The following ARAP1 variants were observed in gnomAD, a reference collection of about 807,000 sequenced individuals.
ARAP1 encodes the protein arf-GAP with Rho-GAP domain, ANK repeat and PH domain-containing protein 1.
Under a neutral mutation model 172.2 loss-of-function variants are expected in ARAP1, and 76 were observed. The observed-to-expected ratio is 0.44, with a 90% CI of 0.37 to 0.53. The LOEUF is 0.53. Ranked by LOEUF, ARAP1 falls within the 20% of genes least tolerant of loss-of-function variation. ARAP1 has a pLI of 0.00. For synonymous variants in ARAP1, 804 were observed against 803.3 expected (o/e 1.00, Z -0.01); for missense variants, 1,686 against 1,977.5 (o/e 0.85, Z 2.80).
In ARAP1 at chr11:72,745,450, C is replaced by T. The variant is rs571911253; in HGVS notation, c.-128+6878G>A. 2.0e-5 allele frequency among the ~76,000 whole-genome samples: 3 copies of T among 150,994 alleles called. No individual in the cohort carries two copies. The South Asian group carries it at 6.3e-4, about 32-fold the overall frequency. On this transcript the variant is annotated intron_variant, in intron 1 of 34. Coordinates refer to ENST00000393609, the MANE Select transcript of ARAP1 (RefSeq NM_001040118.3). ...TGATCTCCTGACCTTGTGATCCGCCCGCGTCGGCCTCCCAAAGTGCTGGGA... is the reference window on the plus strand; with the variant it reads ...TGATCTCCTGACCTTGTGATCCGCCTGCGTCGGCCTCCCAAAGTGCTGGGA...
chr11:72,710,077 G>T lies in ARAP1; in HGVS notation c.1417-101C>A. 2 of 1,101,072 alleles carry T rather than the reference G, an allele frequency of 1.8e-6. No individual in the cohort carries two copies. The highest frequency in any genetic ancestry group is 2.8e-6 in the Non-Finnish European group (2 of 725,636). 68.2% of individuals were successfully genotyped at this position (1,101,072 alleles called of 1,614,324 possible). ...GAAGGTGGTGCAACTCAGGGACTGG[G>T]GGGGGTGCCCAGGAGGGAGACAGCA... On this transcript the variant is annotated intron_variant, in intron 10 of 34. Coordinates refer to ENST00000393609, the MANE Select transcript of ARAP1 (RefSeq NM_001040118.3). The surrounding 1 kb of genome is among the most constrained non-coding windows in gnomAD (Gnocchi z 4.3).
chr11:72,697,251 G>C (rs1213631948), intron 21 of ARAP1, 56 bp from the exon 22 acceptor site: 1 of 1,588,888 alleles, frequency 6.3e-7, no homozygotes, highest in East Asian at 2.3e-5. Context: ...CATGGGGCGG[G>C]GCCGCGCAGC....
At chr11:72,688,004 G>T (rs568414637) in intron 31 of ARAP1, among the ~76,000 whole-genome samples, 3 of 66,036 alleles carry the variant, frequency 4.5e-5, no homozygotes, top group Non-Finnish European at 1.3e-4. Context: ...TTTTTTTGTT[G>T]TTGTTTTTTT....
rs1166695603 is a variant in ARAP1 at position 72,685,094 on chromosome 11, A to T, written c.*570T>A. 6.5e-6 allele frequency: 1 copy of T among 154,818 alleles called. No individual in the cohort carries two copies. Among genetic ancestry groups the T allele is most frequent in the East Asian group, 1.9e-4 (1 of 5,226 alleles). The allele number at this position is 154,818 out of a possible 1,614,324, so 9.6% of individuals were successfully genotyped here. On this transcript the variant is annotated 3_prime_UTR_variant, in exon 35 of 35. Transcript: ENST00000393609. ...TAGGGTAAAATATACAGATATATTT[A>T]TATTATCAAAAAGTCCCCAAATTGG...
intron 1 of ARAP1, among the ~76,000 whole-genome samples, chr11:72,743,020 C>T (rs563740798): frequency 6.6e-6 from 1 of 152,324 alleles, no homozygotes; most frequent in Non-Finnish European, 1.5e-5. Flanking sequence ...TCCTCAAATG[C>T]AAGGCCTTTC....
chr11:72,716,597 A>G (rs962016893), intron 3 of ARAP1, among the ~76,000 whole-genome samples: 2 of 152,276 alleles, frequency 1.3e-5, no homozygotes, highest in African/African-American at 4.8e-5. Flanking sequence ...AACTGGGCAC[A>G]TCGCACACAG....
intron 12 of ARAP1, 72 bp from the exon 13 acceptor site, chr11:72,705,962 T>C (rs765622813): frequency 2.0e-5 from 29 of 1,481,598 alleles, no homozygotes; most frequent in Non-Finnish European, 2.6e-5. Context: ...ACCCCCAGTG[T>C]CTACTGGGAC....
rs1856648710 is a variant in ARAP1 at position 72,704,185 on chromosome 11, G to A, written c.1959C>T (p.His653=). 1 of 1,614,048 alleles carries A rather than the reference G, an allele frequency of 6.2e-7. No individual in the cohort carries two copies. The highest frequency in any genetic ancestry group is 8.5e-7 in the Non-Finnish European group (1 of 1,180,034). The change falls in exon 14 of 35, where the codon CAC becomes CAT. Residue 653 remains histidine (H), a synonymous_variant. Coordinates refer to ENST00000393609, the MANE Select transcript of ARAP1 (RefSeq NM_001040118.3). The part of the protein sequence containing the change: ...KYREGKYRRY[H]PLFGNQEELD... Reference sequence around the variant, plus strand: ...GCTCCTCCTGGTTGCCAAAGAGCGGGTGGTAGCGGCGGTACTTGCCCTCAC... The same window carrying A: ...GCTCCTCCTGGTTGCCAAAGAGCGGATGGTAGCGGCGGTACTTGCCCTCAC...
chr11:72,725,971 G>A lies in ARAP1; in HGVS notation c.509+649C>T, dbSNP rs1180382970. 6.6e-6 allele frequency among the ~76,000 whole-genome samples: 1 copy of A among 152,144 alleles called. No homozygotes were observed. Among genetic ancestry groups the A allele is most frequent in the Non-Finnish European group, 1.5e-5 (1 of 68,014 alleles). On this transcript the variant is annotated intron_variant, in intron 3 of 34. Coordinates refer to ENST00000393609, the MANE Select transcript of ARAP1 (RefSeq NM_001040118.3). The surrounding 1 kb of genome is among the most constrained non-coding windows in gnomAD (Gnocchi z 4.3). Reference sequence around the variant, plus strand: ...TCCCAGCAGATGGCAGGAAGGGAGGGCGTCTGTGAAGGAGATTAACATGGA... The same window carrying A: ...TCCCAGCAGATGGCAGGAAGGGAGGACGTCTGTGAAGGAGATTAACATGGA...
rs1856140907 is a variant in ARAP1, at chr11:72,695,391, A to G, written c.3572T>C (p.Ile1191Thr). The G allele has an allele frequency of 1.9e-6, 3 of 1,614,130 alleles. No homozygotes were observed. The East Asian group carries it at 6.7e-5, about 36-fold the overall frequency. ...CTTCTAGGTCCCAGCACCTACCTTG[A>G]TATGCTGCTCAGTCTCTGCCTTCTT... ...EEKKAETEQH[I>T]KVPASMTAEE... Residue 1191 changes from isoleucine to threonine, a missense_variant, in exon 26 of 35, where the codon ATC becomes ACC. Around this residue, in one of 5 missense-constraint regions of ARAP1, gnomAD observed 379 missense variants for 500.1 expected, o/e 0.76. Coordinates refer to ENST00000393609, the MANE Select transcript of ARAP1 (RefSeq NM_001040118.3). This position sits in a 1 kb window ranked among gnomAD's most constrained non-coding sequence, Gnocchi z 4.4.
chr11:72,720,279 C>T (rs1271041498), intron 3 of ARAP1, among the ~76,000 whole-genome samples: 2 of 152,180 alleles, frequency 1.3e-5, no homozygotes, highest in African/African-American at 4.8e-5. Context: ...CTCTCAGGGG[C>T]CCGGGCCTCA....
At chr11:72,745,966 A>ACCTGCTC (rs1858353886) in intron 1 of ARAP1, among the ~76,000 whole-genome samples, 1 of 152,090 alleles carries the variant, frequency 6.6e-6, no homozygotes. Flanking sequence ...CCAGCCTTCT[A>ACCTGCTC]TACCCTAAGG....
intron 3 of ARAP1, among the ~76,000 whole-genome samples, chr11:72,718,636 C>T (rs530570716): frequency 2.2e-4 from 34 of 152,236 alleles, no homozygotes; most frequent in African/African-American, 7.9e-4. Context: ...GCATGTGAAC[C>T]CACCTGCTTA....
At position 72,687,429 on chromosome 11, in the gene ARAP1, C is replaced by T; in HGVS notation, c.4185+10G>A. 1 of 1,614,216 alleles carries T rather than the reference C, an allele frequency of 6.2e-7. No homozygotes were observed. The highest frequency in any genetic ancestry group is 8.5e-7 in the Non-Finnish European group (1 of 1,180,038). ...GACCCACCCCACACCCCACACTCTG[C>T]ACCTGGTACCTGCACAAACAGAAAG... is the stretch of plus-strand genomic sequence containing the variant. On this transcript the variant is annotated intron_variant, in intron 33 of 34. Transcript: ENST00000393609.
In ARAP1 at chr11:72,725,196, G is replaced by C. The variant is rs1445826763; in HGVS notation, c.509+1424C>G. Among the ~76,000 whole-genome samples the C allele has an allele frequency of 2.0e-5, 3 of 152,152 alleles. No individual in the cohort carries two copies. The highest frequency in any genetic ancestry group is 4.4e-5 in the Non-Finnish European group (3 of 68,010). Reference sequence around the variant, plus strand: ...GAGTCACAGGAAGGGCCTGAGAGGGGACCTGGCCAGGGCCCTGCTTCTTCC... The same window carrying C: ...GAGTCACAGGAAGGGCCTGAGAGGGCACCTGGCCAGGGCCCTGCTTCTTCC... On this transcript the variant is annotated intron_variant, in intron 3 of 34. Transcript: ENST00000393609. This position sits in a 1 kb window ranked among gnomAD's most constrained non-coding sequence, Gnocchi z 4.3.
Position 72,727,150 on chromosome 11 carries a change from G to GA in ARAP1, c.-23dup, listed in dbSNP as rs1439526847. 1.3e-6 allele frequency: 2 copies of GA among 1,556,200 alleles called. No individual in the cohort carries two copies. The highest frequency in any genetic ancestry group is 1.7e-6 in the Non-Finnish European group (2 of 1,149,800). ...CCATGGTTCCTGCCAGCGGAGGCCT[G>GA]ACTGGCAGGGCTTTGTCCAGAGCTA... On this transcript the variant is annotated 5_prime_UTR_variant, in exon 3 of 35. Transcript: ENST00000393609.
rs767433794 is a variant in ARAP1 at position 72,703,032 on chromosome 11, C to T, written c.2040G>A (p.Ala680=). 3.0e-5 allele frequency: 48 copies of T among 1,596,272 alleles called. No homozygotes were observed. The highest frequency in any genetic ancestry group is 5.4e-5 in the African/African-American group (4 of 74,346). ...VTTTDLAETQ[A]LLGCGAGINC... is the part of the protein sequence containing the mutation. Reference sequence around the variant, plus strand: ...TGATCCCAGCCCCACAGCCCAGGAGCGCCTGGGTCTCAGCCAGGTCTGTGG... The same window carrying T: ...TGATCCCAGCCCCACAGCCCAGGAGTGCCTGGGTCTCAGCCAGGTCTGTGG... Residue 680 remains alanine, a synonymous_variant, in exon 15 of 35, where the codon GCG becomes GCA. Transcript: ENST00000393609.
chr11:72,690,815 A>G (rs1855903353), intron 30 of ARAP1, among the ~76,000 whole-genome samples: 1 of 152,234 alleles, frequency 6.6e-6, no homozygotes, highest in Non-Finnish European at 1.5e-5. Flanking sequence ...TGCCTTTTCC[A>G]GGTGCCTCAG....
In ARAP1 at chr11:72,693,631, C is replaced by T; in HGVS notation, c.3808+61G>A. The T allele has an allele frequency of 6.5e-7, 1 of 1,538,382 alleles. No homozygotes were observed. The highest frequency in any genetic ancestry group is 8.8e-7 in the Non-Finnish European group (1 of 1,136,090). ...TGTTCCTACCTGGCACCACCAGGTC[C>T]CACCCTGGCTCTGGAAGAGAGGACC... On this transcript the variant is annotated intron_variant, in intron 28 of 34. Transcript: ENST00000393609. This position sits in a 1 kb window ranked among gnomAD's most constrained non-coding sequence, Gnocchi z 4.6.
Sources: gnomAD v4.1 joint callset for allele counts (sites outside exome capture counted in the v4.1 genomes callset) on GRCh38, gnomAD v4.1.1 for gene constraint, gnomAD v4.1.1 regional missense constraint, Gnocchi (gnomAD v3.1) non-coding constraint, MANE v1.5 for transcripts, NCBI Gene and HGNC (gene_info 2026-07-23, HGNC 2026-07-21) for gene names.